RAB38: variants seen among roughly 807,000 people sequenced by gnomAD.
The protein encoded by RAB38 is RAB38, member RAS oncogene family, also known as ras-related protein Rab-38.
In RAB38, 15 loss-of-function variants were observed where a neutral mutation model predicts 18.4. The ratio of observed to expected loss-of-function variants is 0.82; its 90% CI spans 0.55 to 1.26. The LOEUF (loss-of-function observed/expected upper bound fraction) is 1.26. Among genes scored for constraint, RAB38 ranks in the 50% most tolerant of loss-of-function variants. The pLI, the probability that RAB38 is intolerant of heterozygous loss-of-function variation, is 0.00. For synonymous variants in RAB38, 101 were observed against 104.4 expected, an observed-to-expected ratio of 0.97 and a Z score of 0.20; for missense variants, 294 against 267.4, an observed-to-expected ratio of 1.10 and a Z score of -0.69.
At chr11:87,884,567 A>G in the RAB38 span, among the ~76,000 whole-genome samples, 1 of 151,958 alleles carries the variant, frequency 6.6e-6, no homozygotes, top group Non-Finnish European at 1.5e-5. Context: ...AGTAAGCAGG[A>G]AAACACTGTG....
the RAB38 span, among the ~76,000 whole-genome samples, chr11:87,934,108 T>C: frequency 3.4e-4 from 52 of 152,126 alleles, no homozygotes; most frequent in Admixed American, 1.4e-3. Context: ...CCTGGACCAC[T>C]CAGTGAAGCA....
At chr11:87,945,140 C>T in the RAB38 span, among the ~76,000 whole-genome samples, 70 of 152,196 alleles carry the variant, frequency 4.6e-4, no homozygotes, top group African/African-American at 1.6e-3. Context: ...ATACACACCA[C>T]GTTGCTGGTT....
At chr11:87,952,901 A>G in the RAB38 span, among the ~76,000 whole-genome samples, 1 of 152,208 alleles carries the variant, frequency 6.6e-6, no homozygotes, top group South Asian at 2.1e-4. Flanking sequence ...AGTCTGAGAT[A>G]ACCACTGTGT....
chr11:88,122,401 G>C (rs1438106025), intron 2 of RAB38, among the ~76,000 whole-genome samples: 1 of 152,176 alleles, frequency 6.6e-6, no homozygotes, highest in East Asian at 1.9e-4. Flanking sequence ...TAAGCATAAA[G>C]ATTATGTTTA....
the RAB38 span, among the ~76,000 whole-genome samples, chr11:87,843,395 A>G: frequency 1.3e-5 from 2 of 152,190 alleles, no homozygotes; most frequent in Admixed American, 1.3e-4. Context: ...GAAGTTTTAC[A>G]TATCTGCCCA....
chr11:88,117,854 G>A (rs1472788502), intron 2 of RAB38, among the ~76,000 whole-genome samples: 2 of 152,094 alleles, frequency 1.3e-5, no homozygotes, highest in African/African-American at 4.8e-5. Flanking sequence ...ACAGTGAAAG[G>A]CATACAGTAC....
chr11:87,824,116 T>G, the RAB38 span, among the ~76,000 whole-genome samples: 1 of 152,186 alleles, frequency 6.6e-6, no homozygotes, highest in Non-Finnish European at 1.5e-5. Context: ...GCAGACAGAT[T>G]GCCATCCCTT....
downstream of RAB38, among the ~76,000 whole-genome samples, chr11:88,109,507 CA>C (rs1221388505): frequency 6.6e-6 from 1 of 152,034 alleles, no homozygotes; most frequent in African/African-American, 2.4e-5. Flanking sequence ...CAACAAAAGC[CA>C]AAATTGACAA....
chr11:87,886,692 C>T, the RAB38 span, among the ~76,000 whole-genome samples: 2 of 151,944 alleles, frequency 1.3e-5, no homozygotes, highest in African/African-American at 4.8e-5. Flanking sequence ...CACAGCTGCC[C>T]TGGAAAAGAG....
chr11:87,851,155 A>G, the RAB38 span, among the ~76,000 whole-genome samples: 11 of 152,286 alleles, frequency 7.2e-5, no homozygotes, highest in East Asian at 1.2e-3. Flanking sequence ...AATGAGTATA[A>G]TAATTAGACA....
the RAB38 span, chr11:87,815,983 A>G: frequency 6.6e-6 from 1 of 152,368 alleles, no homozygotes; most frequent in Non-Finnish European, 1.5e-5. Context: ...CAGTTGAGGT[A>G]TCTGATATAT....
In RAB38 at chr11:88,114,144, T is replaced by A. The variant is rs762076322; in HGVS notation, c.484-4A>T. On this transcript the variant is annotated splice_polypyrimidine_tract_variant and splice_region_variant and intron_variant, in intron 2 of 2. Coordinates refer to ENST00000243662, the MANE Select transcript of RAB38 (RefSeq NM_022337.3). ...CTTCATCAATGTTTATATTTTCCTATGAGGGAAAAAATAAAACAGCTTTTC... is the reference window on the plus strand; with the variant it reads ...CTTCATCAATGTTTATATTTTCCTAAGAGGGAAAAAATAAAACAGCTTTTC... 6 of 1,613,798 alleles carry A rather than the reference T, an allele frequency of 3.7e-6. No homozygotes were observed. Among genetic ancestry groups the A allele is most frequent in the Non-Finnish European group, 5.1e-6 (6 of 1,179,780 alleles).
the RAB38 span, among the ~76,000 whole-genome samples, chr11:88,008,174 C>A: frequency 0.85 from 128,929 of 152,094 alleles, 54,760 homozygotes; most frequent in South Asian, 0.91. Context: ...GTCAGATCTC[C>A]TGAAATTATA....
At chr11:88,169,105 T>C (rs988912905) in intron 1 of RAB38, among the ~76,000 whole-genome samples, 2 of 152,170 alleles carry the variant, frequency 1.3e-5, no homozygotes, top group Non-Finnish European at 2.9e-5. Context: ...CTCTGGTCTA[T>C]GGCAGTGGGA....
intron 1 of RAB38, among the ~76,000 whole-genome samples, chr11:88,150,227 G>C (rs574770971): frequency 2.4e-4 from 37 of 152,222 alleles, no homozygotes; most frequent in African/African-American, 8.9e-4. Context: ...TATTCCAGTA[G>C]CCACATATGG....
intron 2 of RAB38, chr11:88,115,727 A>G (rs773813807): frequency 6.6e-6 from 1 of 152,184 alleles, no homozygotes; most frequent in Non-Finnish European, 1.5e-5. Context: ...CAGCTATAAA[A>G]TGGTCTTGAT....
At chr11:87,831,958 A>T in the RAB38 span, among the ~76,000 whole-genome samples, 1 of 152,210 alleles carries the variant, frequency 6.6e-6, no homozygotes, top group Non-Finnish European at 1.5e-5. Context: ...AGGATGTAAT[A>T]GCTATTAAAT....
At chr11:87,870,742 A>G in the RAB38 span, among the ~76,000 whole-genome samples, 1 of 151,612 alleles carries the variant, frequency 6.6e-6, no homozygotes, top group South Asian at 2.1e-4. Context: ...ATAGAAATAG[A>G]CTTATATTCT....
At chr11:87,860,937 C>T in the RAB38 span, among the ~76,000 whole-genome samples, 4 of 151,800 alleles carry the variant, frequency 2.6e-5, no homozygotes, top group African/African-American at 9.7e-5. Context: ...TCAAAAGAAG[C>T]CCCCATCTCA....
Sources: gnomAD v4.1 joint callset for allele counts (sites outside exome capture counted in the v4.1 genomes callset) on GRCh38, gnomAD v4.1.1 for gene constraint, MANE v1.5 for transcripts, NCBI Gene and HGNC (gene_info 2026-07-23, HGNC 2026-07-21) for gene names.